GALC: variants seen among roughly 807,000 people sequenced by gnomAD.
GALC encodes galactosylceramidase.
Under a neutral mutation model 91.8 loss-of-function variants are expected in GALC, and 77 were observed. That is an observed-to-expected ratio of 0.84 (90% CI 0.70 to 1.01). The LOEUF (loss-of-function observed/expected upper bound fraction) is 1.01. Ranked by LOEUF, GALC falls within the 50% of genes least tolerant of loss-of-function variation. The pLI is 0.00. For synonymous variants in GALC, 357 were observed against 306.7 expected, an observed-to-expected ratio of 1.16 and a Z score of -1.71; for missense variants, 882 against 855.9, an observed-to-expected ratio of 1.03 and a Z score of -0.38.
At chr14:87,989,102 C>T (rs994252841) in intron 1 of GALC, among the ~76,000 whole-genome samples, 3 of 152,138 alleles carry the variant, frequency 2.0e-5, no homozygotes, top group African/African-American at 7.2e-5. Context: ...GCCTGGACCA[C>T]GGCATACAAC....
In GALC at chr14:87,934,260, G is replaced by A; in HGVS notation, c.*472C>T. The A allele has an allele frequency of 7.5e-7, 1 of 1,331,094 alleles. No individual in the cohort carries two copies. The highest frequency in any genetic ancestry group is 3.3e-5 in the Admixed American group (1 of 30,654). 82.5% of individuals were successfully genotyped at this position (1,331,094 alleles called of 1,614,324 possible). A position where few individuals can be genotyped will look rare whatever the true frequency, so the allele number is the denominator to read the frequency against. On this transcript the variant is annotated 3_prime_UTR_variant, in exon 17 of 17. Transcript: ENST00000261304. ...AACAGGTTGAAGTGGTTTTCAAAAAGCTACTTCTAGTGTTCTTCAGCTTTC... is the reference window on the plus strand; with the variant it reads ...AACAGGTTGAAGTGGTTTTCAAAAAACTACTTCTAGTGTTCTTCAGCTTTC...
At chr14:87,941,670 T>C (rs1228219331) in intron 14 of GALC, 112 bp from the exon 15 acceptor site, 1 of 819,998 alleles carries the variant, frequency 1.2e-6, no homozygotes, top group African/African-American at 1.7e-5. Flanking sequence ...GGTGAGAATG[T>C]GATTTGCTAA....
chr14:87,954,336 G>C (rs900185678), intron 10 of GALC: 1 of 1,600,782 alleles, frequency 6.2e-7, no homozygotes, highest in East Asian at 2.2e-5. Flanking sequence ...CAGTTATAGA[G>C]GACAGAAGCA....
At chr14:87,965,428 A>G in intron 9 of GALC, 77 bp downstream of exon 9, 2 of 1,467,714 alleles carry the variant, frequency 1.4e-6, no homozygotes, top group South Asian at 2.3e-5. Context: ...CACAGTTTAT[A>G]TAATCTTCTC....
intron 6 of GALC, 120 bp from the exon 7 acceptor site, chr14:87,976,608 T>G (rs1035166924): frequency 3.5e-6 from 2 of 570,066 alleles, no homozygotes; most frequent in East Asian, 3.0e-5. Flanking sequence ...TAGCTTCTTT[T>G]GTTTGTTTGT....
In GALC at chr14:87,977,043, G is replaced by GT. The variant is rs1555382925; in HGVS notation, c.622-556_622-555insA. Among the ~76,000 whole-genome samples, 275 of 128,692 alleles carry GT rather than the reference G, an allele frequency of 2.1e-3. 10 individuals are homozygous for GT. In the East Asian group the frequency reaches 0.049, roughly 23 times the overall value. The allele number at this position is 128,692 out of a possible 152,430, so 84.4% of individuals were successfully genotyped here. A position where few individuals can be genotyped will look rare whatever the true frequency, so the allele number is the denominator to read the frequency against. On this transcript the variant is annotated intron_variant, in intron 6 of 16. Coordinates refer to ENST00000261304, the MANE Select transcript of GALC (RefSeq NM_000153.4). ...TAACCATAGAAATATGGGGGGGGGG[G>GT]GATGAAACAAAAATAATCAAATGGT... is the stretch of plus-strand genomic sequence containing the variant.
chr14:87,972,985 T>C (rs998817540), intron 7 of GALC, among the ~76,000 whole-genome samples: 3 of 151,234 alleles, frequency 2.0e-5, no homozygotes, highest in Admixed American at 1.3e-4. Context: ...CAACTAAACT[T>C]TAAAGATGAA....
At chr14:87,969,070 T>C (rs1886173687) in intron 7 of GALC, among the ~76,000 whole-genome samples, 1 of 152,206 alleles carries the variant, frequency 6.6e-6, no homozygotes, top group Non-Finnish European at 1.5e-5. Flanking sequence ...TGGTTATTTC[T>C]TGAATAAAAA....
intron 10 of GALC, chr14:87,954,923 A>G: frequency 6.5e-7 from 1 of 1,543,374 alleles, no homozygotes; most frequent in Non-Finnish European, 8.9e-7. Flanking sequence ...GGAAGACATG[A>G]TGTTTACATC....
chr14:87,977,819 C>T (rs1448693063), intron 6 of GALC, among the ~76,000 whole-genome samples: 1 of 152,186 alleles, frequency 6.6e-6, no homozygotes, highest in Non-Finnish European at 1.5e-5. Flanking sequence ...TACTTTTCAA[C>T]AGACAGTTTC....
intron 10 of GALC, chr14:87,954,160 T>C (rs974929427): frequency 1.9e-6 from 3 of 1,600,082 alleles, no homozygotes; most frequent in Non-Finnish European, 2.6e-6. Context: ...CAAGACCTAC[T>C]GGCACAGGTG....
chr14:87,954,678 A>C (rs1010243531), intron 10 of GALC: 25 of 1,562,840 alleles, frequency 1.6e-5, no homozygotes, highest in Non-Finnish European at 2.1e-5. Flanking sequence ...ATTAAAGCCC[A>C]GATTTCAGAG....
chr14:87,948,551 C>A (rs1168743388), intron 12 of GALC, among the ~76,000 whole-genome samples: 1 of 151,984 alleles, frequency 6.6e-6, no homozygotes, highest in Non-Finnish European at 1.5e-5. Flanking sequence ...CAAAGTTGTT[C>A]TATGCTAAAT....
At chr14:87,945,112 TCTACTGTCAC>T (rs1885011079) in intron 14 of GALC, among the ~76,000 whole-genome samples, 1 of 84,710 alleles carries the variant, frequency 1.2e-5, no homozygotes. Flanking sequence ...ACTATTGCCA[TCTACTGTCAC>T]CTGGTAAATC....
chr14:87,936,350 C>T (rs529152549), intron 16 of GALC, among the ~76,000 whole-genome samples: 13 of 152,080 alleles, frequency 8.5e-5, no homozygotes, highest in African/African-American at 3.1e-4. Flanking sequence ...CAAACTATGA[C>T]CTACATGCCA....
chr14:87,992,937 GC>G, intron 1 of GALC, 32 bp downstream of exon 1: 7 of 1,497,466 alleles, frequency 4.7e-6, no homozygotes, highest in East Asian at 2.7e-5. Context: ...GGCTCTTGCC[GC>G]CCCCCGCGTA....
chr14:87,965,677 A>T (rs1415469190), intron 8 of GALC, 48 bp from the exon 9 acceptor site: 2 of 1,602,684 alleles, frequency 1.2e-6, no homozygotes. Context: ...TGTGATAAAA[A>T]TGTAAATGTC....
intron 10 of GALC, 190 bp downstream of exon 10, chr14:87,963,194 G>C: frequency 1.8e-6 from 1 of 570,638 alleles, no homozygotes; most frequent in Non-Finnish European, 3.1e-6. Flanking sequence ...CAACTATTTT[G>C]TACAAATCAG....
chr14:87,966,823 TG>T (rs1490402715), intron 8 of GALC, among the ~76,000 whole-genome samples: 1 of 152,182 alleles, frequency 6.6e-6, no homozygotes, highest in Non-Finnish European at 1.5e-5. Context: ...TGTATACAAT[TG>T]AACATTTCAG....
Sources: gnomAD v4.1 joint callset for allele counts (sites outside exome capture counted in the v4.1 genomes callset) on GRCh38, gnomAD v4.1.1 for gene constraint, MANE v1.5 for transcripts, NCBI Gene and HGNC (gene_info 2026-07-23, HGNC 2026-07-21) for gene names.